Variants in FNIP2 observed in about 807,000 individuals in gnomAD.
FNIP2 encodes the protein folliculin-interacting protein 2.
FNIP2 carries 32 observed loss-of-function variants against 108.7 expected under a neutral mutation model. That is an observed-to-expected ratio of 0.29 (90% CI 0.22 to 0.40). The LOEUF (loss-of-function observed/expected upper bound fraction) is 0.40. Among genes scored for constraint, FNIP2 ranks in the 10% least tolerant of loss-of-function variants. FNIP2 has a pLI of 1.00. For missense variants in FNIP2, 1,202 were observed against 1,381.6 expected (o/e 0.87, Z 2.06); for synonymous variants, 480 against 496.7 (o/e 0.97, Z 0.45).
At chr4:158,833,450 G>A in intron 5 of FNIP2, 78 bp from the exon 6 acceptor site, 1 of 808,458 alleles carries the variant, frequency 1.2e-6, no homozygotes, top group Middle Eastern at 2.4e-4. Context: ...ATATTTGGAA[G>A]TCTATTAGAA....
In FNIP2 at chr4:158,866,221, C is replaced by CTTTTT. The variant is rs34074378; in HGVS notation, c.1466-1870_1466-1866dup. On this transcript the variant is annotated intron_variant, in intron 12 of 16. Transcript: ENST00000264433. ...GATTTGTTCCAATATTCTGGTTATT[C>CTTTTT]TTTTTTTTTTTTTTTGAGACAGAGT... 1.5e-4 allele frequency among the ~76,000 whole-genome samples: 9 copies of CTTTTT among 59,776 alleles called. 2 individuals are homozygous for CTTTTT. The highest frequency in any genetic ancestry group is 9.9e-4 in the South Asian group (1 of 1,008). The allele number at this position is 59,776 out of a possible 152,430, so 39.2% of individuals were successfully genotyped here.
intron 7 of FNIP2, among the ~76,000 whole-genome samples, chr4:158,836,909 A>AACTTATGAAGC (rs1354381206): frequency 6.6e-6 from 1 of 152,086 alleles, no homozygotes; most frequent in Non-Finnish European, 1.5e-5. Context: ...GATAAAGGGA[A>AACTTATGAAGC]ACTTATGAAG....
intron 1 of FNIP2, among the ~76,000 whole-genome samples, chr4:158,778,193 G>GT (rs1485971699): frequency 6.6e-6 from 1 of 152,198 alleles, no homozygotes; most frequent in Non-Finnish European, 1.5e-5. Flanking sequence ...GGGGCTTTAT[G>GT]TTTGTCTTCA....
At chr4:158,846,054 T>C (rs771940104) in intron 7 of FNIP2, among the ~76,000 whole-genome samples, 3 of 152,250 alleles carry the variant, frequency 2.0e-5, no homozygotes, top group Non-Finnish European at 2.9e-5. Context: ...GTTGTCTTAC[T>C]TGGCCCACCT....
At chr4:158,847,125 C>T (rs1779449382) in intron 7 of FNIP2, among the ~76,000 whole-genome samples, 1 of 152,212 alleles carries the variant, frequency 6.6e-6, no homozygotes, top group African/African-American at 2.4e-5. Flanking sequence ...CCACCACGGA[C>T]TAAAGTGCTC....
At chr4:158,872,168 G>A (rs970365473) in intron 14 of FNIP2, 3 of 985,332 alleles carry the variant, frequency 3.0e-6, no homozygotes. Flanking sequence ...TTACCAGCTG[G>A]GGACTTTGTT....
At position 158,785,087 on chromosome 4, in the gene FNIP2, C is replaced by CTTTTTTTTTTT. The variant is rs397805773; in HGVS notation, c.107+15775_107+15785dup. On this transcript the variant is annotated intron_variant, in intron 1 of 16. Transcript: ENST00000264433. The stretch of plus-strand genomic sequence containing the variant: ...TTATTAGCCAGTATATAAAGTTCCT[C>CTTTTTTTTTTT]TTTTTTTTTTTTTTTTTGAGCCAGA... Among the ~76,000 whole-genome samples, 246 of 123,140 alleles carry CTTTTTTTTTTT rather than the reference C, an allele frequency of 2.0e-3. 12 individuals are homozygous for CTTTTTTTTTTT. Among genetic ancestry groups the CTTTTTTTTTTT allele is most frequent in the African/African-American group, 3.9e-3 (117 of 30,004 alleles). 80.8% of individuals were successfully genotyped at this position (123,140 alleles called of 152,430 possible).
Position 158,891,448 on chromosome 4 carries a change from T to C in FNIP2, c.2952T>C (p.His984=). 1 of 1,594,460 alleles carries C rather than the reference T, an allele frequency of 6.3e-7. No homozygotes were observed. The highest frequency in any genetic ancestry group is 8.5e-7 in the Non-Finnish European group (1 of 1,169,732). The change falls in exon 15 of 17, where the codon CAT becomes CAC. Residue 984 remains histidine, a splice_region_variant and synonymous_variant. Coordinates refer to ENST00000264433, the MANE Select transcript of FNIP2 (RefSeq NM_020840.3). ...ATCCCTTTGTGTTTCTTTTTCAGCA[T>C]CCAGTCCTGGATGAGCCAATAGCTG... ...LVADLVHTVH[H]PVLDEPIAEA...
chr4:158,784,821 G>C lies in FNIP2; in HGVS notation c.107+15502G>C, dbSNP rs149743908. ...AGGCCATGGTCTGGTACCAGTCCGTGACCCAGGGGTTGGGGATCCCTGCTC... is the reference window on the plus strand; with the variant it reads ...AGGCCATGGTCTGGTACCAGTCCGTCACCCAGGGGTTGGGGATCCCTGCTC... On this transcript the variant is annotated intron_variant, in intron 1 of 16. Coordinates refer to ENST00000264433, the MANE Select transcript of FNIP2 (RefSeq NM_020840.3). Among the ~76,000 whole-genome samples the C allele has an allele frequency of 3.8e-4, 58 of 152,300 alleles. No individual in the cohort carries two copies. The East Asian group carries it at 0.011, about 29-fold the overall frequency.
intron 1 of FNIP2, among the ~76,000 whole-genome samples, chr4:158,794,220 A>G (rs1194168660): frequency 6.6e-6 from 1 of 152,044 alleles, no homozygotes; most frequent in East Asian, 1.9e-4. Context: ...TGGTGTGATC[A>G]TGGCTCACTG....
chr4:158,884,324 C>T (rs765617078), intron 14 of FNIP2, among the ~76,000 whole-genome samples: 2 of 152,190 alleles, frequency 1.3e-5, no homozygotes, highest in Admixed American at 6.5e-5. Flanking sequence ...CTTTCAAAGG[C>T]TGCAGAAGAA....
chr4:158,830,947 G>A (rs550402777), intron 3 of FNIP2, among the ~76,000 whole-genome samples: 1 of 152,294 alleles, frequency 6.6e-6, no homozygotes, highest in South Asian at 2.1e-4. Flanking sequence ...CTCCAGGAGA[G>A]CTCTTGGTCT....
At chr4:158,818,108 C>T (rs1434562625) in intron 1 of FNIP2, among the ~76,000 whole-genome samples, 3 of 152,208 alleles carry the variant, frequency 2.0e-5, no homozygotes, top group East Asian at 1.9e-4. Context: ...CTGTCTTTTC[C>T]TCTCTGTACT....
chr4:158,842,452 T>C (rs1395499972), intron 7 of FNIP2, among the ~76,000 whole-genome samples: 1 of 152,180 alleles, frequency 6.6e-6, no homozygotes, highest in Admixed American at 6.5e-5. Context: ...TTTACTTAAA[T>C]GAAATAATAA....
At chr4:158,840,540 C>T (rs1018988665) in intron 7 of FNIP2, among the ~76,000 whole-genome samples, 5 of 152,084 alleles carry the variant, frequency 3.3e-5, no homozygotes, top group Non-Finnish European at 7.4e-5. Flanking sequence ...AAATCACAGG[C>T]GCACACCACC....
chr4:158,787,137 A>G (rs1056531302), intron 1 of FNIP2, among the ~76,000 whole-genome samples: 5 of 152,212 alleles, frequency 3.3e-5, no homozygotes, highest in African/African-American at 1.2e-4. Context: ...TTCAGCCCCC[A>G]TGAGTGCAGT....
At chr4:158,860,459 CAT>C (rs975856469) in intron 10 of FNIP2, among the ~76,000 whole-genome samples, 1 of 152,066 alleles carries the variant, frequency 6.6e-6, no homozygotes, top group African/African-American at 2.4e-5. Flanking sequence ...ACTCAAGTAA[CAT>C]GTTACTTATT....
intron 1 of FNIP2, among the ~76,000 whole-genome samples, chr4:158,781,330 C>T (rs1016245662): frequency 1.7e-4 from 26 of 152,106 alleles, no homozygotes; most frequent in African/African-American, 5.3e-4. Flanking sequence ...ATGGGTGGAC[C>T]GGTCTCTGTG....
chr4:158,773,420 C>T (rs1775760357), intron 1 of FNIP2, among the ~76,000 whole-genome samples: 1 of 152,170 alleles, frequency 6.6e-6, no homozygotes. Context: ...GCCTCATGTA[C>T]CATGTTGATG....
Sources: gnomAD v4.1 joint callset for allele counts (sites outside exome capture counted in the v4.1 genomes callset) on GRCh38, gnomAD v4.1.1 for gene constraint, MANE v1.5 for transcripts, NCBI Gene and HGNC (gene_info 2026-07-23, HGNC 2026-07-21) for gene names.